Variants in ZNF407 observed in about 807,000 individuals in gnomAD.
ZNF407 encodes the protein zinc finger protein 407.
In ZNF407, 17 loss-of-function variants were observed where a neutral mutation model predicts 131.2. That is an observed-to-expected ratio of 0.13 (90% CI 0.09 to 0.19). ZNF407 has a LOEUF of 0.19. ZNF407 is among the 10% of genes least tolerant of loss of function. The probability of loss-of-function intolerance (pLI) is 1.00; values close to 1 mark genes in which losing one functional copy is unlikely to be tolerated. For synonymous variants in ZNF407, 1,156 were observed against 1,062.0 expected, an observed-to-expected ratio of 1.09 and a Z score of -1.72; for missense variants, 2,681 against 2,830.6, an observed-to-expected ratio of 0.95 and a Z score of 1.20.
chr18:74,598,349 T>C (rs6566819), intron 1 of ZNF407: 150,248 of 152,462 alleles, frequency 0.99, 74,076 homozygotes, highest in Middle Eastern at 1. Flanking sequence ...CCTGCCGGGT[T>C]CGCCTGTCCG....
rs1212309820 is a variant in ZNF407, at chr18:74,601,319, GTGTGTATGTC to G, written c.-54+3388_-54+3397del. Among the ~76,000 whole-genome samples the G allele has an allele frequency of 2.3e-5, 3 of 130,674 alleles. No individual in the cohort carries two copies. The East Asian group carries it at 7.1e-4, about 31-fold the overall frequency. 85.7% of individuals were successfully genotyped at this position (130,674 alleles called of 152,430 possible). A position where few individuals can be genotyped will look rare whatever the true frequency, so the allele number is the denominator to read the frequency against. On this transcript the variant is annotated intron_variant, in intron 1 of 8. Coordinates refer to ENST00000299687, the MANE Select transcript of ZNF407 (RefSeq NM_017757.3). Reference sequence around the variant, plus strand: ...CCTTCAGTTAGTTGTGTGTGTGTGTGTGTGTATGTCTGTGTGTGTGTGTGTGTGTGTGTGT... The same window carrying G: ...CCTTCAGTTAGTTGTGTGTGTGTGTGTGTGTGTGTGTGTGTGTGTGTGTGT...
rs978904939 is a variant in ZNF407, at chr18:74,634,756, A to C, written c.3737A>C (p.His1246Pro). The change falls in exon 2 of 9, where the codon CAC (histidine) becomes CCC (proline). Residue 1246 changes from histidine (H) to proline (P), a missense_variant. Transcript: ENST00000299687. ...NAGDGGGVVPHRHLCPVTLDG... is the reference protein window; with the variant it reads ...NAGDGGGVVPPRHLCPVTLDG... ...GGAGACGGTGGAGGTGTTGTCCCCC[A>C]CAGACACCTGTGCCCTGTGACGCTC... 2.5e-6 allele frequency: 4 copies of C among 1,613,924 alleles called. No homozygotes were observed. The highest frequency in any genetic ancestry group is 3.4e-6 in the Non-Finnish European group (4 of 1,179,900).
intron 8 of ZNF407, among the ~76,000 whole-genome samples, chr18:74,926,277 A>G (rs149588959): frequency 6.6e-6 from 1 of 152,334 alleles, no homozygotes; most frequent in East Asian, 1.9e-4. Context: ...GTTTAGAAAG[A>G]ACTCTCTTAC....
At chr18:74,997,823 C>G (rs1400460112) in intron 8 of ZNF407, among the ~76,000 whole-genome samples, 1 of 152,184 alleles carries the variant, frequency 6.6e-6, no homozygotes, top group Non-Finnish European at 1.5e-5. Flanking sequence ...ACCCAGCTGT[C>G]TAAAAACGAA....
At chr18:74,885,958 C>A (rs1343116854) in intron 6 of ZNF407, among the ~76,000 whole-genome samples, 1 of 152,002 alleles carries the variant, frequency 6.6e-6, no homozygotes, top group African/African-American at 2.4e-5. Context: ...TAAAAAATAA[C>A]CGGAAAAATT....
chr18:74,988,669 C>A (rs970063441), intron 8 of ZNF407, among the ~76,000 whole-genome samples: 3 of 149,812 alleles, frequency 2.0e-5, no homozygotes, highest in East Asian at 1.9e-4. Flanking sequence ...AATAAACAAA[C>A]AAAAAAAATA....
chr18:74,896,914 A>G (rs1971461164), intron 7 of ZNF407, among the ~76,000 whole-genome samples: 1 of 152,158 alleles, frequency 6.6e-6, no homozygotes, highest in African/African-American at 2.4e-5. Flanking sequence ...CCTGAATGAA[A>G]TATTTCCTAG....
At chr18:74,927,899 G>T (rs1185524586) in intron 8 of ZNF407, among the ~76,000 whole-genome samples, 1 of 152,146 alleles carries the variant, frequency 6.6e-6, no homozygotes, top group African/African-American at 2.4e-5. Flanking sequence ...TAGGGCTACA[G>T]AAGGCCTACT....
intron 4 of ZNF407, among the ~76,000 whole-genome samples, chr18:74,845,473 A>G (rs1294300534): frequency 6.6e-6 from 1 of 152,202 alleles, no homozygotes; most frequent in African/African-American, 2.4e-5. Context: ...TGATATCGCA[A>G]GCCATTAGAA....
rs548806 is a variant in ZNF407 at position 74,691,687 on chromosome 18, G to A, written c.4802+50565G>A. Among the ~76,000 whole-genome samples, 681 of 152,060 alleles carry A rather than the reference G, an allele frequency of 4.5e-3. 5 individuals carry two copies. The highest frequency in any genetic ancestry group is 0.015 in the African/African-American group (629 of 41,458). On this transcript the variant is annotated intron_variant, in intron 3 of 8. Transcript: ENST00000299687. The stretch of plus-strand genomic sequence containing the variant: ...TTTTTCTAATTTAAGCATTTAAAGC[G>A]ACAGAATTCCCTGTAAGCTCTGCTT...
chr18:74,673,584 T>G (rs1311015013), intron 3 of ZNF407, among the ~76,000 whole-genome samples: 2 of 152,218 alleles, frequency 1.3e-5, no homozygotes, highest in Non-Finnish European at 2.9e-5. Flanking sequence ...CTGTGGATAC[T>G]GTGATGTGGA....
At position 74,622,734 on chromosome 18, in the gene ZNF407, GTC is replaced by G. The variant is rs1599136619; in HGVS notation, c.-53-8231_-53-8230del. ...TTATGGCATCACCATAGTGGTGTGT[GTC>G]TGTGAGTGTGTGTGTGAATGAATAT... On this transcript the variant is annotated intron_variant, in intron 1 of 8. Coordinates refer to ENST00000299687, the MANE Select transcript of ZNF407 (RefSeq NM_017757.3). 0.015 allele frequency among the ~76,000 whole-genome samples: 77 copies of G among 5,264 alleles called. 1 individual carries two copies. The East Asian group carries it at 0.2, about 14-fold the overall frequency. 3.5% of individuals were successfully genotyped at this position (5,264 alleles called of 152,430 possible).
intron 8 of ZNF407, among the ~76,000 whole-genome samples, chr18:74,976,651 C>T (rs1031226334): frequency 9.9e-5 from 15 of 152,140 alleles, no homozygotes; most frequent in African/African-American, 3.6e-4. Context: ...AGATGTCTGC[C>T]GAGTATGAAA....
intron 8 of ZNF407, among the ~76,000 whole-genome samples, chr18:74,991,562 T>C (rs1387509468): frequency 1.3e-5 from 2 of 152,222 alleles, no homozygotes; most frequent in Non-Finnish European, 2.9e-5. Context: ...TATATTCTTC[T>C]TTAAAATCAA....
At chr18:74,872,880 A>G in intron 4 of ZNF407, among the ~76,000 whole-genome samples, 1 of 152,008 alleles carries the variant, frequency 6.6e-6, no homozygotes, top group East Asian at 1.9e-4. Context: ...ATGTGTGCCT[A>G]TTTTTCATTA....
At chr18:75,017,580 G>C (rs776046008) in intron 8 of ZNF407, among the ~76,000 whole-genome samples, 9 of 152,132 alleles carry the variant, frequency 5.9e-5, no homozygotes, top group Admixed American at 6.5e-5. Context: ...ATGAAATCAG[G>C]TTGGTGCATA....
rs1024073526 is a variant in ZNF407, at chr18:74,971,015, G to A, written c.5428+50323G>A. 4.9e-4 allele frequency among the ~76,000 whole-genome samples: 74 copies of A among 152,340 alleles called. 1 individual carries two copies. The highest frequency in any genetic ancestry group is 6.8e-3 in the Middle Eastern group (2 of 294). ...GCACTCGCAGGCTCAACACCACGTG[G>A]AAGCTGCCAAGGCTTGGGGTTTTCA... On this transcript the variant is annotated intron_variant, in intron 8 of 8. Coordinates refer to ENST00000299687, the MANE Select transcript of ZNF407 (RefSeq NM_017757.3).
At chr18:75,029,649 G>T (rs1162554836) in intron 8 of ZNF407, among the ~76,000 whole-genome samples, 1 of 152,224 alleles carries the variant, frequency 6.6e-6, no homozygotes, top group Admixed American at 6.5e-5. Flanking sequence ...GCGTGTGCAT[G>T]CGCAGGGCAT....
At chr18:74,856,905 A>G (rs1464065533) in intron 4 of ZNF407, among the ~76,000 whole-genome samples, 1 of 152,228 alleles carries the variant, frequency 6.6e-6, no homozygotes, top group Non-Finnish European at 1.5e-5. Flanking sequence ...GCCAGGAACA[A>G]GACACTGGAA....
Sources: gnomAD v4.1 joint callset for allele counts (sites outside exome capture counted in the v4.1 genomes callset) on GRCh38, gnomAD v4.1.1 for gene constraint, MANE v1.5 for transcripts, NCBI Gene and HGNC (gene_info 2026-07-23, HGNC 2026-07-21) for gene names.